The following GHR variants were observed in gnomAD, a reference collection of about 807,000 sequenced individuals.
The protein encoded by GHR is growth hormone receptor, also known as GH receptor.
A neutral mutation model predicts 67.1 loss-of-function variants in GHR; 35 were observed. The observed-to-expected ratio is 0.52, with a 90% CI of 0.40 to 0.69. The LOEUF (loss-of-function observed/expected upper bound fraction) is 0.69. GHR is among the 30% of genes least tolerant of loss of function. The pLI, the probability that GHR is intolerant of heterozygous loss-of-function variation, is 0.00. For missense variants in GHR, 792 were observed against 764.6 expected (o/e 1.04, Z -0.42); for synonymous variants, 272 against 269.1 (o/e 1.01, Z -0.10).
intron 6 of GHR, among the ~76,000 whole-genome samples, chr5:42,704,992 A>G (rs920996797): frequency 9.9e-5 from 15 of 151,780 alleles, no homozygotes; most frequent in African/African-American, 3.4e-4. Flanking sequence ...TACTGTTTTA[A>G]TGTGCTAACT....
chr5:42,465,971 T>C (rs1307758200), intron 1 of GHR: 2 of 655,738 alleles, frequency 3.1e-6, no homozygotes, highest in Non-Finnish European at 5.5e-6. Context: ...GTGAAGTTGT[T>C]GAGCAGGTCT....
chr5:42,437,133 C>T (rs1204938798), intron 1 of GHR, among the ~76,000 whole-genome samples: 1 of 152,182 alleles, frequency 6.6e-6, no homozygotes, highest in Non-Finnish European at 1.5e-5. Flanking sequence ...TAAAAACGTG[C>T]TTTTCTTCCT....
intron 1 of GHR, among the ~76,000 whole-genome samples, chr5:42,559,157 G>C (rs962823480): frequency 2.0e-5 from 3 of 152,008 alleles, no homozygotes; most frequent in African/African-American, 7.3e-5. Flanking sequence ...AATTGCATTA[G>C]CCACATTTTA....
rs1024621426 is a variant in GHR, at chr5:42,538,002, G to T, written c.-11-27862G>T. Among the ~76,000 whole-genome samples the T allele has an allele frequency of 1.3e-5, 2 of 152,116 alleles. 1 individual carries two copies. Among genetic ancestry groups the T allele is most frequent in the Admixed American group, 1.3e-4 (2 of 15,278 alleles). On this transcript the variant is annotated intron_variant, in intron 1 of 9. Transcript: ENST00000230882. ...CCCTGCTGGCTTTTGGTGTCCATTTGCATGAAATGCCTTTTTCCACCCCTT... is the reference window on the plus strand; with the variant it reads ...CCCTGCTGGCTTTTGGTGTCCATTTTCATGAAATGCCTTTTTCCACCCCTT...
chr5:42,615,109 C>T (rs1205254890), intron 2 of GHR, among the ~76,000 whole-genome samples: 1 of 151,924 alleles, frequency 6.6e-6, no homozygotes, highest in African/African-American at 2.4e-5. Flanking sequence ...GCATTCCTTG[C>T]ACCCTGGTGA....
intron 2 of GHR, among the ~76,000 whole-genome samples, chr5:42,581,704 C>T (rs749947883): frequency 3.3e-5 from 5 of 152,114 alleles, no homozygotes; most frequent in African/African-American, 4.8e-5. Context: ...GTGAAGATGC[C>T]GGCTGTAGTG....
At chr5:42,700,996 A>T (rs1320160832) in intron 6 of GHR, among the ~76,000 whole-genome samples, 1 of 152,202 alleles carries the variant, frequency 6.6e-6, no homozygotes, top group East Asian at 1.9e-4. Flanking sequence ...GCTACAATCA[A>T]ACATTATTTA....
intron 2 of GHR, among the ~76,000 whole-genome samples, chr5:42,590,275 A>AAAT (rs549924862): frequency 7.2e-5 from 11 of 152,176 alleles, no homozygotes; most frequent in African/African-American, 2.4e-4. Context: ...TAGTGTTTCA[A>AAAT]AATAATAATA....
At chr5:42,627,280 A>G (rs1753749305) in intron 2 of GHR, among the ~76,000 whole-genome samples, 1 of 152,174 alleles carries the variant, frequency 6.6e-6, no homozygotes, top group Non-Finnish European at 1.5e-5. Context: ...TCAAGTTTAA[A>G]CTCAAATAAT....
At chr5:42,469,440 C>T (rs1428218949) in intron 1 of GHR, among the ~76,000 whole-genome samples, 1 of 152,210 alleles carries the variant, frequency 6.6e-6, no homozygotes, top group African/African-American at 2.4e-5. Flanking sequence ...GAACAGTCTA[C>T]TGTCTGCCTC....
At chr5:42,509,450 C>G (rs1316417310) in intron 1 of GHR, among the ~76,000 whole-genome samples, 1 of 152,176 alleles carries the variant, frequency 6.6e-6, no homozygotes, top group Non-Finnish European at 1.5e-5. Context: ...CTGCAAAAAG[C>G]CCAGAAGTAA....
intron 1 of GHR, among the ~76,000 whole-genome samples, chr5:42,505,458 A>C (rs1413845622): frequency 6.6e-6 from 1 of 152,138 alleles, no homozygotes; most frequent in South Asian, 2.1e-4. Context: ...GTTCAAAAAA[A>C]AAAATAGGTA....
chr5:42,470,694 A>C (rs564856044), intron 1 of GHR, among the ~76,000 whole-genome samples: 2 of 152,206 alleles, frequency 1.3e-5, no homozygotes, highest in African/African-American at 4.8e-5. Flanking sequence ...CTAGCCCTAC[A>C]CTGTAAGGAT....
chr5:42,453,573 G>C (rs1221248836), intron 1 of GHR, among the ~76,000 whole-genome samples: 1 of 152,186 alleles, frequency 6.6e-6, no homozygotes, highest in East Asian at 1.9e-4. Flanking sequence ...CCTCACTCCT[G>C]TCCTAGCATT....
At chr5:42,579,177 TAGATA>T (rs1751018626) in intron 2 of GHR, among the ~76,000 whole-genome samples, 1 of 149,322 alleles carries the variant, frequency 6.7e-6, no homozygotes, top group Non-Finnish European at 1.5e-5. Context: ...GATAGATAGA[TAGATA>T]GATAGATAGA....
chr5:42,498,146 C>A (rs1746396520), intron 1 of GHR, among the ~76,000 whole-genome samples: 2 of 152,194 alleles, frequency 1.3e-5, no homozygotes, highest in Non-Finnish European at 2.9e-5. Flanking sequence ...CCCAACTGTG[C>A]TACTTACCTT....
intron 1 of GHR, among the ~76,000 whole-genome samples, chr5:42,462,706 T>TG (rs1554053616): frequency 0.21 from 31,442 of 151,420 alleles, 3,446 homozygotes; most frequent in Middle Eastern, 0.28. Context: ...GCGTGTGCTT[T>TG]TGTGTGTGTG....
intron 2 of GHR, among the ~76,000 whole-genome samples, chr5:42,575,515 G>A (rs1328427321): frequency 2.0e-5 from 3 of 152,062 alleles, no homozygotes; most frequent in Non-Finnish European, 4.4e-5. Context: ...ACAGTGGTGT[G>A]GGTGGGTAGA....
intron 5 of GHR, among the ~76,000 whole-genome samples, chr5:42,698,237 G>A (rs1348224965): frequency 6.6e-6 from 1 of 152,142 alleles, no homozygotes; most frequent in Non-Finnish European, 1.5e-5. Flanking sequence ...GCCTGTAATG[G>A]TATCTCACAG....
Sources: gnomAD v4.1 joint callset for allele counts (sites outside exome capture counted in the v4.1 genomes callset) on GRCh38, gnomAD v4.1.1 for gene constraint, MANE v1.5 for transcripts, NCBI Gene and HGNC (gene_info 2026-07-23, HGNC 2026-07-21) for gene names.